Variants in PLPPR1 observed in about 807,000 individuals in gnomAD.
PLPPR1 encodes phospholipid phosphatase-related protein type 1.
In PLPPR1, 10 loss-of-function variants were observed where a neutral mutation model predicts 33.1. That is an observed-to-expected ratio of 0.30 (90% CI 0.19 to 0.51). The LOEUF (loss-of-function observed/expected upper bound fraction) is 0.51. Among genes scored for constraint, PLPPR1 ranks in the 20% least tolerant of loss-of-function variants. PLPPR1 has a pLI of 0.97. For synonymous variants in PLPPR1, 151 were observed against 151.0 expected, an observed-to-expected ratio of 1.00 and a Z score of 0.00; for missense variants, 304 against 408.1, an observed-to-expected ratio of 0.74 and a Z score of 2.20.
chr9:101,258,914 A>G (rs2118876996), intron 2 of PLPPR1, among the ~76,000 whole-genome samples: 1 of 152,304 alleles, frequency 6.6e-6, no homozygotes. Context: ...TATGCCTGCC[A>G]GTTTTGTATC....
chr9:101,166,657 T>C (rs959316575), intron 1 of PLPPR1, among the ~76,000 whole-genome samples: 8 of 152,218 alleles, frequency 5.3e-5, no homozygotes, highest in Middle Eastern at 3.4e-3. Flanking sequence ...ACTCCAGAAA[T>C]ATTATAGTGT....
chr9:101,275,791 T>C (rs1202165182), intron 3 of PLPPR1, among the ~76,000 whole-genome samples: 1 of 152,158 alleles, frequency 6.6e-6, no homozygotes, highest in Non-Finnish European at 1.5e-5. Context: ...GAGTATTTAG[T>C]ATTGAAGTAG....
At chr9:101,190,513 C>A (rs971361784) in intron 2 of PLPPR1, among the ~76,000 whole-genome samples, 1 of 152,020 alleles carries the variant, frequency 6.6e-6, no homozygotes, top group Non-Finnish European at 1.5e-5. Flanking sequence ...TGCTGATGTG[C>A]ATTTTCTTGG....
intron 1 of PLPPR1, among the ~76,000 whole-genome samples, chr9:101,170,276 G>C (rs575201403): frequency 3.5e-4 from 54 of 152,230 alleles, no homozygotes; most frequent in African/African-American, 1.2e-3. Flanking sequence ...ATATAACCAA[G>C]ATGGGTAATT....
chr9:101,083,309 C>G (rs1588020909), intron 1 of PLPPR1, among the ~76,000 whole-genome samples: 1 of 150,666 alleles, frequency 6.6e-6, no homozygotes, highest in East Asian at 2.0e-4. Flanking sequence ...CAGGTGTCAA[C>G]CTGGGAGGTG....
chr9:101,222,015 TAAC>T (rs1475916826), intron 2 of PLPPR1, among the ~76,000 whole-genome samples: 3 of 152,148 alleles, frequency 2.0e-5, no homozygotes, highest in Non-Finnish European at 4.4e-5. Flanking sequence ...CATCAACATA[TAAC>T]AACAACAGCA....
intron 1 of PLPPR1, among the ~76,000 whole-genome samples, chr9:101,147,060 C>T (rs1588047242): frequency 6.6e-6 from 1 of 152,134 alleles, no homozygotes; most frequent in Non-Finnish European, 1.5e-5. Flanking sequence ...TAAACAGAAA[C>T]TATATGTGCA....
At chr9:101,258,977 A>C (rs542336178) in intron 2 of PLPPR1, among the ~76,000 whole-genome samples, 1 of 152,190 alleles carries the variant, frequency 6.6e-6, no homozygotes, top group Non-Finnish European at 1.5e-5. Flanking sequence ...GAATTAAAAA[A>C]TCCCTAGCAG....
chr9:101,180,114 A>G (rs1361245220), intron 1 of PLPPR1, among the ~76,000 whole-genome samples: 2 of 22,448 alleles, frequency 8.9e-5, no homozygotes, highest in Non-Finnish European at 1.7e-4. Context: ...ATATATATAT[A>G]TATATATATA....
At chr9:101,203,250 A>G (rs1444921297) in intron 2 of PLPPR1, among the ~76,000 whole-genome samples, 2 of 152,226 alleles carry the variant, frequency 1.3e-5, no homozygotes, top group Non-Finnish European at 2.9e-5. Flanking sequence ...ATGGAGCAAT[A>G]AAAGTATTAG....
At position 101,055,120 on chromosome 9, in the gene PLPPR1, G is replaced by T. The variant is rs375531442; in HGVS notation, c.-46+26018G>T. ...TGATTATATAAAATGGTTATCATTA[G>T]GATGGGGCTTTTCACACTTTGAATA... is the stretch of plus-strand genomic sequence containing the variant. On this transcript the variant is annotated intron_variant, in intron 1 of 7. Transcript: ENST00000374874. Among the ~76,000 whole-genome samples, 6 of 152,314 alleles carry T rather than the reference G, an allele frequency of 3.9e-5. No homozygotes were observed. In the East Asian group the frequency reaches 9.6e-4, roughly 24 times the overall value.
At chr9:101,061,789 G>A (rs926302774) in intron 1 of PLPPR1, among the ~76,000 whole-genome samples, 2 of 151,898 alleles carry the variant, frequency 1.3e-5, no homozygotes, top group Non-Finnish European at 2.9e-5. Flanking sequence ...TAATATTTAT[G>A]GAATAAATGA....
chr9:101,086,562 G>A (rs1830678358), intron 1 of PLPPR1, among the ~76,000 whole-genome samples: 1 of 152,170 alleles, frequency 6.6e-6, no homozygotes, highest in Non-Finnish European at 1.5e-5. Context: ...ATCTTCCCCT[G>A]AAGGGTGATC....
intron 2 of PLPPR1, among the ~76,000 whole-genome samples, chr9:101,262,767 A>G (rs952167606): frequency 1.3e-5 from 2 of 152,234 alleles, no homozygotes; most frequent in South Asian, 2.1e-4. Flanking sequence ...ATGCCCATCA[A>G]TGATAGACTG....
chr9:101,247,351 C>T (rs1827629910), intron 2 of PLPPR1, among the ~76,000 whole-genome samples: 1 of 151,980 alleles, frequency 6.6e-6, no homozygotes, highest in African/African-American at 2.4e-5. Context: ...CAGCCTTCCT[C>T]AGGCTTCTAG....
In PLPPR1 at chr9:101,324,131, A is replaced by G. The variant is rs1204873775; in HGVS notation, c.*74A>G. 2.4e-6 allele frequency: 3 copies of G among 1,236,358 alleles called. No homozygotes were observed. Among genetic ancestry groups the G allele is most frequent in the African/African-American group, 1.5e-5 (1 of 67,608 alleles). 76.6% of individuals were successfully genotyped at this position (1,236,358 alleles called of 1,614,324 possible). A position where few individuals can be genotyped will look rare whatever the true frequency, so the allele number is the denominator to read the frequency against. Reference sequence around the variant, plus strand: ...ATACTTCAAAACACACAGTTGCTCAATGTCAAACTGTGATGACAAATATTA... The same window carrying G: ...ATACTTCAAAACACACAGTTGCTCAGTGTCAAACTGTGATGACAAATATTA... On this transcript the variant is annotated 3_prime_UTR_variant, in exon 8 of 8. Coordinates refer to ENST00000374874, the MANE Select transcript of PLPPR1 (RefSeq NM_207299.2).
At chr9:101,063,350 T>C (rs1343844647) in intron 1 of PLPPR1, among the ~76,000 whole-genome samples, 1 of 152,072 alleles carries the variant, frequency 6.6e-6, no homozygotes, top group African/African-American at 2.4e-5. Context: ...ACAGATCCTT[T>C]ATGTGTCAAT....
intron 5 of PLPPR1, among the ~76,000 whole-genome samples, chr9:101,312,118 G>A (rs565474204): frequency 2.7e-5 from 4 of 148,630 alleles, no homozygotes; most frequent in African/African-American, 1.0e-4. Context: ...GGAACACACA[G>A]AAAATTTTAA....
chr9:101,217,563 G>A lies in PLPPR1; in HGVS notation c.63+32006G>A, dbSNP rs970944020. 1.1e-3 allele frequency among the ~76,000 whole-genome samples: 171 copies of A among 152,236 alleles called. 1 individual carries two copies. Among genetic ancestry groups the A allele is most frequent in the African/African-American group, 4.0e-3 (165 of 41,536 alleles). ...ATTATATAGTCACTTCTACCTGTGGGCCATACAATCTCTGTTGAAACTATT... is the reference window on the plus strand; with the variant it reads ...ATTATATAGTCACTTCTACCTGTGGACCATACAATCTCTGTTGAAACTATT... On this transcript the variant is annotated intron_variant, in intron 2 of 7. Coordinates refer to ENST00000374874, the MANE Select transcript of PLPPR1 (RefSeq NM_207299.2).
Sources: gnomAD v4.1 joint callset for allele counts (sites outside exome capture counted in the v4.1 genomes callset) on GRCh38, gnomAD v4.1.1 for gene constraint, MANE v1.5 for transcripts, NCBI Gene and HGNC (gene_info 2026-07-23, HGNC 2026-07-21) for gene names.